SLC35D4: variants seen among roughly 807,000 people sequenced by gnomAD.
SLC35D4 encodes solute carrier family 35 member D4, also known as UDP-N-acetylglucosamine transporter SLC35D4.
chr18:23,259,216 C>T, the SLC35D4 span: 1 of 152,210 alleles, frequency 6.6e-6, no homozygotes, highest in African/African-American at 2.4e-5. Context: ...CTGGTCAGTG[C>T]CTACAGGGGG....
the SLC35D4 span, among the ~76,000 whole-genome samples, chr18:23,274,279 C>A: frequency 2.0e-5 from 3 of 152,214 alleles, no homozygotes; most frequent in Non-Finnish European, 4.4e-5. Context: ...GCTCAATGGG[C>A]CATTCACCTC....
At chr18:23,350,840 A>G in the SLC35D4 span, among the ~76,000 whole-genome samples, 1 of 151,954 alleles carries the variant, frequency 6.6e-6, no homozygotes, top group African/African-American at 2.4e-5. Flanking sequence ...GGGAGGAGGG[A>G]ATGGGAGTGA....
At chr18:23,399,181 A>G in the SLC35D4 span, among the ~76,000 whole-genome samples, 1 of 152,126 alleles carries the variant, frequency 6.6e-6, no homozygotes, top group African/African-American at 2.4e-5. Context: ...CACGTTACCA[A>G]TGGGCAGGGT....
chr18:23,423,143 C>T, the SLC35D4 span, among the ~76,000 whole-genome samples: 4 of 152,208 alleles, frequency 2.6e-5, no homozygotes, highest in Non-Finnish European at 4.4e-5. Context: ...AGCAGATGGC[C>T]CACAGCCTTG....
the SLC35D4 span, among the ~76,000 whole-genome samples, chr18:23,372,609 C>T: frequency 6.6e-6 from 1 of 152,202 alleles, no homozygotes; most frequent in African/African-American, 2.4e-5. Flanking sequence ...TAACATAAGG[C>T]ACAGAAAGCA....
chr18:23,414,603 G>A, the SLC35D4 span, among the ~76,000 whole-genome samples: 752 of 151,728 alleles, frequency 5.0e-3, 10 homozygotes, highest in African/African-American at 0.017. Flanking sequence ...AACCCCGCAG[G>A]CAGAGGTTGC....
At chr18:23,271,161 A>G in the SLC35D4 span, among the ~76,000 whole-genome samples, 1 of 152,152 alleles carries the variant, frequency 6.6e-6, no homozygotes, top group Non-Finnish European at 1.5e-5. Context: ...ACAAGATCTG[A>G]TGGTTTTATA....
At chr18:23,434,484 T>C in the SLC35D4 span, among the ~76,000 whole-genome samples, 1 of 152,250 alleles carries the variant, frequency 6.6e-6, no homozygotes, top group Non-Finnish European at 1.5e-5. Flanking sequence ...GAAGGTATTT[T>C]GTCCTTTTAT....
chr18:23,425,006 A>G, the SLC35D4 span, among the ~76,000 whole-genome samples: 1 of 152,220 alleles, frequency 6.6e-6, no homozygotes, highest in African/African-American at 2.4e-5. Flanking sequence ...ACATATTTAA[A>G]TGGTTTAATA....
the SLC35D4 span, among the ~76,000 whole-genome samples, chr18:23,361,404 A>G: frequency 2.6e-5 from 4 of 152,216 alleles, no homozygotes; most frequent in African/African-American, 7.2e-5. Context: ...TGGTCCAATC[A>G]GAAAGCTAAT....
At chr18:23,313,156 A>AAAAAAAAAAAAAAAAAT in the SLC35D4 span, among the ~76,000 whole-genome samples, 24 of 146,522 alleles carry the variant, frequency 1.6e-4, no homozygotes, top group Non-Finnish European at 2.6e-4. Flanking sequence ...AAAAAAAAAA[A>AAAAAAAAAAAAAAAAAT]AGAACCTGAG....
the SLC35D4 span, chr18:23,370,329 G>A: frequency 4.6e-6 from 7 of 1,536,616 alleles, no homozygotes; most frequent in Admixed American, 1.9e-5. Flanking sequence ...CCTGTCCGGG[G>A]ACACACAAAA....
the SLC35D4 span, among the ~76,000 whole-genome samples, chr18:23,402,665 G>A: frequency 6.6e-6 from 1 of 152,064 alleles, no homozygotes; most frequent in Non-Finnish European, 1.5e-5. Context: ...TCAGCTGAGT[G>A]TGGTGGGTTG....
chr18:23,432,006 C>T, the SLC35D4 span, among the ~76,000 whole-genome samples: 2 of 152,158 alleles, frequency 1.3e-5, no homozygotes, highest in Non-Finnish European at 2.9e-5. Context: ...CTCCTAAATG[C>T]CACAATTATG....
chr18:23,283,244 T>G, the SLC35D4 span, among the ~76,000 whole-genome samples: 2 of 151,940 alleles, frequency 1.3e-5, no homozygotes, highest in Non-Finnish European at 2.9e-5. Context: ...CCCAGTACTT[T>G]GGGAGGCCAA....
chr18:23,257,165 T>C, the SLC35D4 span: 1 of 1,583,118 alleles, frequency 6.3e-7, no homozygotes, highest in Non-Finnish European at 8.6e-7. Context: ...AAGCTGCAAT[T>C]GCAGAAAGAC....
the SLC35D4 span, among the ~76,000 whole-genome samples, chr18:23,313,092 A>C: frequency 7.8e-6 from 1 of 127,630 alleles, no homozygotes; most frequent in Non-Finnish European, 1.6e-5. Flanking sequence ...ACGCCACTGC[A>C]CTCCAGCCTA....
the SLC35D4 span, among the ~76,000 whole-genome samples, chr18:23,414,360 A>AG: frequency 6.7e-6 from 1 of 150,280 alleles, no homozygotes. Context: ...GCAGGCAGGA[A>AG]GGGGAAAGAG....
At chr18:23,368,215 T>C in the SLC35D4 span, among the ~76,000 whole-genome samples, 2 of 152,162 alleles carry the variant, frequency 1.3e-5, no homozygotes, top group African/African-American at 4.8e-5. Flanking sequence ...TCCCCTTTTC[T>C]TTCCACCCCA....
Sources: allele counts gnomAD v4.1 joint callset (sites outside exome capture counted in the v4.1 genomes callset), GRCh38; gene constraint gnomAD v4.1.1; transcripts MANE v1.5; gene names NCBI Gene and HGNC (gene_info 2026-07-23, HGNC 2026-07-21).